Variants in ANKRD31 observed in about 807,000 individuals in gnomAD.
ANKRD31 encodes the protein ankyrin repeat domain 31, also known as ankyrin repeat domain-containing protein 31.
A neutral mutation model predicts 186.0 loss-of-function variants in ANKRD31; 147 were observed. The ratio of observed to expected loss-of-function variants is 0.79; its 90% CI spans 0.69 to 0.91. The LOEUF (loss-of-function observed/expected upper bound fraction) is 0.91, where lower values mean the gene tolerates loss of function less well. Ranked by LOEUF, ANKRD31 falls within the 40% of genes least tolerant of loss-of-function variation. The pLI is 0.00. For missense variants in ANKRD31, 1,986 were observed against 2,148.8 expected (o/e 0.92, Z 1.50); for synonymous variants, 673 against 736.4 (o/e 0.91, Z 1.39).
At chr5:75,091,655 C>A (rs1298189545) in intron 22 of ANKRD31, among the ~76,000 whole-genome samples, 2 of 152,144 alleles carry the variant, frequency 1.3e-5, no homozygotes, top group African/African-American at 2.4e-5. Flanking sequence ...TGCATCCTCC[C>A]TCCCCACTCC....
intron 11 of ANKRD31, among the ~76,000 whole-genome samples, chr5:75,163,296 C>T (rs949710458): frequency 6.6e-6 from 1 of 152,060 alleles, no homozygotes; most frequent in African/African-American, 2.4e-5. Context: ...TATATTTATA[C>T]CACAGAGCAG....
intron 3 of ANKRD31, among the ~76,000 whole-genome samples, 166 bp downstream of exon 3, chr5:75,222,083 T>G (rs935086924): frequency 6.6e-6 from 1 of 151,774 alleles, no homozygotes; most frequent in African/African-American, 2.4e-5. Context: ...TCATCAAAGT[T>G]GCAACAAAGA....
chr5:75,207,545 T>C (rs1371338747), intron 4 of ANKRD31, among the ~76,000 whole-genome samples: 1 of 152,076 alleles, frequency 6.6e-6, no homozygotes, highest in Non-Finnish European at 1.5e-5. Context: ...TATAGTAAAG[T>C]CAGTAATACA....
rs748152102 is a variant in ANKRD31, at chr5:75,145,587, G to T, written c.3424+400C>A. Among the ~76,000 whole-genome samples the T allele has an allele frequency of 9.2e-5, 14 of 151,948 alleles. No homozygotes were observed. The South Asian group carries it at 1.0e-3, about 11-fold the overall frequency. ...CACACACCAGGGCCTGTCATGGGGT[G>T]GGGGGGCTACTGGTGGGATAGCATT... On this transcript the variant is annotated intron_variant, in intron 14 of 25. Coordinates refer to ENST00000506364, the MANE Select transcript of ANKRD31 (RefSeq NM_001372053.1).
intron 10 of ANKRD31, among the ~76,000 whole-genome samples, chr5:75,183,438 A>T (rs1754470768): frequency 6.6e-6 from 1 of 152,172 alleles, no homozygotes; most frequent in Non-Finnish European, 1.5e-5. Context: ...AAAAGAAAAA[A>T]ATAAAAGGTG....
chr5:75,131,381 G>A (rs1362393344), intron 17 of ANKRD31, among the ~76,000 whole-genome samples: 1 of 152,194 alleles, frequency 6.6e-6, no homozygotes, highest in African/African-American at 2.4e-5. Flanking sequence ...ATGGGTCAGA[G>A]GGTCCCACGC....
At chr5:75,105,318 C>A in intron 21 of ANKRD31, 100 bp from the exon 22 acceptor site, 2 of 1,260,368 alleles carry the variant, frequency 1.6e-6, no homozygotes, top group East Asian at 2.6e-5. Flanking sequence ...AAATTTTAAT[C>A]ACTTTAAAAT....
rs1003859181 is a variant in ANKRD31 at position 75,118,049 on chromosome 5, T to A, written c.4039+86A>T. The A allele has an allele frequency of 9.4e-6, 10 of 1,063,354 alleles. No homozygotes were observed. In the Admixed American group the frequency reaches 2.3e-4, roughly 25 times the overall value. 65.9% of individuals were successfully genotyped at this position (1,063,354 alleles called of 1,614,324 possible). A position where few individuals can be genotyped will look rare whatever the true frequency, so the allele number is the denominator to read the frequency against. ...ACATAGGACACATCTATCCCAGTTA[T>A]GAAACAATTTACACAACAAATCAGA... On this transcript the variant is annotated intron_variant, in intron 18 of 25. Coordinates refer to ENST00000506364, the MANE Select transcript of ANKRD31 (RefSeq NM_001372053.1).
intron 17 of ANKRD31, among the ~76,000 whole-genome samples, chr5:75,123,995 C>G (rs1171181810): frequency 6.6e-6 from 1 of 152,012 alleles, no homozygotes; most frequent in Non-Finnish European, 1.5e-5. Flanking sequence ...GAACAGACAA[C>G]CTGCAGATAG....
chr5:75,181,256 G>A (rs895518191), intron 10 of ANKRD31, among the ~76,000 whole-genome samples: 4 of 152,110 alleles, frequency 2.6e-5, no homozygotes, highest in Non-Finnish European at 4.4e-5. Flanking sequence ...AGAGGATGTG[G>A]AGAAATAGGA....
intron 10 of ANKRD31, among the ~76,000 whole-genome samples, chr5:75,173,803 GC>G (rs1753553814): frequency 6.6e-6 from 1 of 152,084 alleles, no homozygotes; most frequent in Admixed American, 6.6e-5. Flanking sequence ...TGGCCATACT[GC>G]CCAAGGTAAT....
chr5:75,220,945 C>T (rs2150306121), intron 3 of ANKRD31, among the ~76,000 whole-genome samples: 1 of 152,188 alleles, frequency 6.6e-6, no homozygotes, highest in Non-Finnish European at 1.5e-5. Context: ...ACTAAAAATA[C>T]AAAAATTACC....
chr5:75,150,636 G>T (rs1751777090), intron 12 of ANKRD31, among the ~76,000 whole-genome samples: 1 of 152,020 alleles, frequency 6.6e-6, no homozygotes, highest in South Asian at 2.1e-4. Context: ...TTACATGAAA[G>T]AAATTTCATT....
Position 75,107,545 on chromosome 5 carries a change from C to T in ANKRD31, c.4316G>A (p.Arg1439Lys), listed in dbSNP as rs1391438857. ...CCTGTATTTTTTAGCCAGATCATCC[C>T]TTTCTGCTTTCTGCTTGGCAAGCAC... Reference protein sequence around the residue: ...DNVLAKQKAERDDLAKKYRVS... With the variant: ...DNVLAKQKAEKDDLAKKYRVS... The change falls in exon 21 of 26, where the codon AGG (arginine) becomes AAG (lysine). Residue 1439 changes from arginine to lysine, a missense_variant. By Grantham distance (26) the Arg-to-Lys change is conservative. Transcript: ENST00000506364. The T allele has an allele frequency of 1.3e-6, 2 of 1,531,006 alleles. No homozygotes were observed. The highest frequency in any genetic ancestry group is 2.5e-5 in the East Asian group (1 of 40,714). 94.8% of individuals were successfully genotyped at this position (1,531,006 alleles called of 1,614,324 possible).
At chr5:75,162,770 A>AT (rs1752658360) in intron 11 of ANKRD31, among the ~76,000 whole-genome samples, 1 of 152,076 alleles carries the variant, frequency 6.6e-6, no homozygotes, top group African/African-American at 2.4e-5. Flanking sequence ...TGTTTTAATG[A>AT]AAAATCTACT....
At chr5:75,101,185 G>T (rs906004905) in intron 22 of ANKRD31, among the ~76,000 whole-genome samples, 10 of 152,148 alleles carry the variant, frequency 6.6e-5, no homozygotes, top group African/African-American at 2.4e-4. Context: ...CACTTAGGAA[G>T]CTTAGTTTCG....
chr5:75,178,707 C>T (rs1490477474), intron 10 of ANKRD31, among the ~76,000 whole-genome samples: 1 of 152,018 alleles, frequency 6.6e-6, no homozygotes, highest in East Asian at 1.9e-4. Context: ...ACACAACATA[C>T]CAGAATCTCT....
At chr5:75,224,129 T>TTATATATATATATATATA (rs148986776) in intron 2 of ANKRD31, among the ~76,000 whole-genome samples, 2 of 105,750 alleles carry the variant, frequency 1.9e-5, no homozygotes, top group South Asian at 2.9e-4. Context: ...TCAGAAATAA[T>TTATATATATATATATATA]TATATATATA....
chr5:75,134,844 G>C (rs1750424062), intron 17 of ANKRD31, among the ~76,000 whole-genome samples: 1 of 152,032 alleles, frequency 6.6e-6, no homozygotes. Context: ...TCATCCCTGG[G>C]ATACAAGGCT....
Sources: gnomAD v4.1 joint callset for allele counts (sites outside exome capture counted in the v4.1 genomes callset) on GRCh38, gnomAD v4.1.1 for gene constraint, MANE v1.5 for transcripts, NCBI Gene and HGNC (gene_info 2026-07-23, HGNC 2026-07-21) for gene names.